MME: variants seen among roughly 807,000 people sequenced by gnomAD.
MME encodes neprilysin.
Under a neutral mutation model 113.2 loss-of-function variants are expected in MME, and 98 were observed. That is an observed-to-expected ratio of 0.87 (90% CI 0.74 to 1.02). The LOEUF (loss-of-function observed/expected upper bound fraction) is 1.02. MME is among the 50% of genes least tolerant of loss of function. The pLI, the probability that MME is intolerant of heterozygous loss-of-function variation, is 0.00. For missense variants in MME, 836 were observed against 896.0 expected, an observed-to-expected ratio of 0.93 and a Z score of 0.86; for synonymous variants, 292 against 300.6, an observed-to-expected ratio of 0.97 and a Z score of 0.30.
chr3:155,118,748 T>C lies in MME; in HGVS notation c.657T>C (p.Ile219=), dbSNP rs200489145. ...DKNSVNHVIH[I]DQPRLGLPSR... ...TCTTTTATGTATATTTTTTATAGAT[T>C]GACCAACCTCGACTTGGCCTCCCTT... The change falls in exon 8 of 23, where the codon ATT becomes ATC. Residue 219 remains isoleucine (I), a splice_region_variant and synonymous_variant. Transcript: ENST00000360490. The C allele has an allele frequency of 1.3e-6, 2 of 1,588,052 alleles. No individual in the cohort carries two copies. The highest frequency in any genetic ancestry group is 1.7e-6 in the Non-Finnish European group (2 of 1,158,644).
At chr3:155,122,319 T>C (rs1435075804) in intron 8 of MME, among the ~76,000 whole-genome samples, 1 of 150,350 alleles carries the variant, frequency 6.7e-6, no homozygotes, top group Non-Finnish European at 1.5e-5. Flanking sequence ...TTTTTCTTTA[T>C]TAGTCTTACT....
intron 1 of MME, among the ~76,000 whole-genome samples, chr3:155,045,900 A>T (rs1475574478): frequency 2.0e-5 from 3 of 151,922 alleles, no homozygotes; most frequent in Admixed American, 6.6e-5. Flanking sequence ...ATAGTATTAG[A>T]TTTATCTGTT....
At chr3:155,156,708 G>T (rs894151053) in intron 16 of MME, among the ~76,000 whole-genome samples, 1 of 152,114 alleles carries the variant, frequency 6.6e-6, no homozygotes, top group African/African-American at 2.4e-5. Flanking sequence ...TGATTACAAG[G>T]TAAGAATTCT....
At position 155,147,197 on chromosome 3, in the gene MME, T is replaced by C. The variant is rs771719900; in HGVS notation, c.1470T>C (p.Asp490=). The change falls in exon 15 of 23, where the codon GAT becomes GAC. Residue 490 remains aspartate (D), a synonymous_variant. Coordinates refer to ENST00000360490, the MANE Select transcript of MME (RefSeq NM_007289.4). ...IGYPDDIVSN[D]NKLNNEYLEL... ...ATCCTGATGACATTGTTTCAAATGATAACAAACTGAATAATGAGTACCTCG... is the reference window on the plus strand; with the variant it reads ...ATCCTGATGACATTGTTTCAAATGACAACAAACTGAATAATGAGTACCTCG... 12 of 1,607,382 alleles carry C rather than the reference T, an allele frequency of 7.5e-6. No individual in the cohort carries two copies. The highest frequency in any genetic ancestry group is 1.0e-5 in the Non-Finnish European group (12 of 1,174,090).
intron 8 of MME, among the ~76,000 whole-genome samples, chr3:155,134,243 G>A (rs1720436003): frequency 1.3e-5 from 2 of 151,994 alleles, no homozygotes; most frequent in Non-Finnish European, 2.9e-5. Flanking sequence ...CACTGAGGTA[G>A]TGAGCATAGT....
At position 155,180,717 on chromosome 3, in the gene MME, G is replaced by A. The variant is rs1713010127; in HGVS notation, c.*258G>A. 2.4e-6 allele frequency: 1 copy of A among 421,404 alleles called. No homozygotes were observed. Among genetic ancestry groups the A allele is most frequent in the African/African-American group, 2.0e-5 (1 of 49,340 alleles). The allele number at this position is 421,404 out of a possible 1,614,324, so 26.1% of individuals were successfully genotyped here. A position where few individuals can be genotyped will look rare whatever the true frequency, so the allele number is the denominator to read the frequency against. On this transcript the variant is annotated 3_prime_UTR_variant, in exon 23 of 23. Coordinates refer to ENST00000360490, the MANE Select transcript of MME (RefSeq NM_007289.4). Reference sequence around the variant, plus strand: ...CTTAATTTCTAAAGATAATATTACTGTTTATTTCTGTTTCTCATATGGTCT... The same window carrying A: ...CTTAATTTCTAAAGATAATATTACTATTTATTTCTGTTTCTCATATGGTCT...
chr3:155,040,064 A>G (rs1416729365), intron 1 of MME, among the ~76,000 whole-genome samples: 1 of 152,194 alleles, frequency 6.6e-6, no homozygotes, highest in East Asian at 1.9e-4. Context: ...AAAACAAAGG[A>G]GATGAACAAA....
At chr3:155,132,110 C>A (rs1485360120) in intron 8 of MME, among the ~76,000 whole-genome samples, 2 of 152,170 alleles carry the variant, frequency 1.3e-5, no homozygotes, top group African/African-American at 4.8e-5. Flanking sequence ...AATAAAATCC[C>A]TGATCCATAG....
chr3:155,037,762 T>C (rs1312577460), intron 1 of MME, among the ~76,000 whole-genome samples: 1 of 152,192 alleles, frequency 6.6e-6, no homozygotes, highest in East Asian at 1.9e-4. Context: ...GGTCAAGTTA[T>C]GTGAGCACTG....
chr3:155,042,934 A>ATG (rs1478774130), intron 1 of MME, among the ~76,000 whole-genome samples: 681 of 61,036 alleles, frequency 0.011, 1 homozygote, highest in African/African-American at 0.021. Flanking sequence ...ATATATATAT[A>ATG]TATATGTATA....
chr3:155,168,346 G>A, intron 18 of MME, 146 bp from the exon 19 acceptor site: 1 of 766,766 alleles, frequency 1.3e-6, no homozygotes, highest in South Asian at 1.6e-5. Context: ...ACTCTGTGAT[G>A]AGGAGGGATG....
intron 22 of MME, among the ~76,000 whole-genome samples, chr3:155,172,841 A>C (rs1227737412): frequency 2.0e-5 from 3 of 152,048 alleles, no homozygotes; most frequent in South Asian, 4.1e-4. Flanking sequence ...ATTCCTTAGA[A>C]TCTACGAGGC....
intron 17 of MME, among the ~76,000 whole-genome samples, chr3:155,166,266 GA>G (rs1723090040): frequency 2.0e-5 from 3 of 152,148 alleles, no homozygotes. Flanking sequence ...GCTAATATTT[GA>G]GGAGCTGGGG....
At chr3:155,140,376 T>G (rs776343351) in intron 10 of MME, 84 bp downstream of exon 10, 80 of 803,252 alleles carry the variant, frequency 1.0e-4, no homozygotes, top group Non-Finnish European at 1.6e-4. Flanking sequence ...ATTCGTCAAG[T>G]TTTTATTTAT....
chr3:155,101,464 A>T (rs1287756090), intron 3 of MME, among the ~76,000 whole-genome samples: 18 of 152,092 alleles, frequency 1.2e-4, no homozygotes, highest in Non-Finnish European at 1.3e-4. Context: ...TAGCTCAAAC[A>T]TTCCACTTCC....
In MME at chr3:155,138,151, G is replaced by A. The variant is rs199818584; in HGVS notation, c.770G>A (p.Arg257His). 3.0e-5 allele frequency: 49 copies of A among 1,613,498 alleles called. No individual in the cohort carries two copies. The highest frequency in any genetic ancestry group is 1.5e-4 in the African/African-American group (11 of 74,824). Residue 257 changes from arginine to histidine, a missense_variant, in exon 9 of 23, where the codon CGT becomes CAT. Coordinates refer to ENST00000360490, the MANE Select transcript of MME (RefSeq NM_007289.4). Reference protein sequence around the residue: ...DFMISVARLIRQEERLPIDEN... With the variant: ...DFMISVARLIHQEERLPIDEN... ...ATGATTTCTGTGGCCAGATTGATTC[G>A]TCAGGAAGAAAGATTGCCCATCGAT...
intron 8 of MME, 114 bp downstream of exon 8, chr3:155,118,925 T>C (rs1025582335): frequency 1.4e-6 from 1 of 721,402 alleles, no homozygotes; most frequent in Non-Finnish European, 2.5e-6. Flanking sequence ...TTTTCATTCA[T>C]GACAGGGACT....
At position 155,114,897 on chromosome 3, in the gene MME, T is replaced by A; in HGVS notation, c.197-97T>A. 3 of 1,236,306 alleles carry A rather than the reference T, an allele frequency of 2.4e-6. No homozygotes were observed. In the South Asian group the frequency reaches 3.7e-5, roughly 15 times the overall value. The allele number at this position is 1,236,306 out of a possible 1,614,324, so 76.6% of individuals were successfully genotyped here. On this transcript the variant is annotated intron_variant, in intron 3 of 22. Transcript: ENST00000360490. ...AAAGAAAACGGAGCATCCGACAAAT[T>A]GATGCAATCAAAAGGGAGCAATAAG...
intron 3 of MME, among the ~76,000 whole-genome samples, chr3:155,098,152 C>T (rs1716892740): frequency 6.6e-6 from 1 of 152,118 alleles, no homozygotes; most frequent in African/African-American, 2.4e-5. Context: ...TCAGGGTAGG[C>T]TCATTTGCAG....
Sources: gnomAD v4.1 joint callset for allele counts (sites outside exome capture counted in the v4.1 genomes callset) on GRCh38, gnomAD v4.1.1 for gene constraint, MANE v1.5 for transcripts, NCBI Gene and HGNC (gene_info 2026-07-23, HGNC 2026-07-21) for gene names.